PHACTR1: variants seen among roughly 807,000 people sequenced by gnomAD.
PHACTR1 encodes phosphatase and actin regulator 1, also known as RPEL repeat containing 1.
A neutral mutation model predicts 69.2 loss-of-function variants in PHACTR1; 16 were observed. The observed-to-expected ratio is 0.23, with a 90% CI of 0.16 to 0.35. The LOEUF (loss-of-function observed/expected upper bound fraction) is 0.35. Ranked by LOEUF, PHACTR1 falls within the 10% of genes least tolerant of loss-of-function variation. The pLI is 1.00. For synonymous variants in PHACTR1, 312 were observed against 284.5 expected (o/e 1.10, Z -0.97); for missense variants, 510 against 734.7 (o/e 0.69, Z 3.54).
chr6:13,161,685 A>G (rs1341994951), intron 6 of PHACTR1, among the ~76,000 whole-genome samples: 1 of 152,142 alleles, frequency 6.6e-6, no homozygotes, highest in Non-Finnish European at 1.5e-5. Flanking sequence ...CGCATCTTTC[A>G]GACTCCACTG....
intron 5 of PHACTR1, among the ~76,000 whole-genome samples, chr6:13,069,834 G>C (rs1474342597): frequency 6.6e-6 from 1 of 152,126 alleles, no homozygotes; most frequent in East Asian, 1.9e-4. Flanking sequence ...GACCTATATA[G>C]TATTATTAAC....
rs147539684 is a variant in PHACTR1 at position 13,197,540 on chromosome 6, CTTTTTT to C, written c.665-8270_665-8265del. Among the ~76,000 whole-genome samples, 6 of 149,948 alleles carry C rather than the reference CTTTTTT, an allele frequency of 4.0e-5. No individual in the cohort carries two copies. In the East Asian group the frequency reaches 1.2e-3, roughly 29 times the overall value. On this transcript the variant is annotated intron_variant, in intron 7 of 14. Transcript: ENST00000332995. ...CTTAAACCCCAGCTCTTCTGAGTTC[CTTTTTT>C]TTTTATTATTATTATTATACCTTAA...
At chr6:12,840,362 C>G (rs1267670171) in intron 4 of PHACTR1, among the ~76,000 whole-genome samples, 1 of 152,204 alleles carries the variant, frequency 6.6e-6, no homozygotes, top group Non-Finnish European at 1.5e-5. Flanking sequence ...CTTGGCATAT[C>G]TAGCTTATTA....
At chr6:12,973,590 T>C (rs954705362) in intron 4 of PHACTR1, among the ~76,000 whole-genome samples, 1 of 152,210 alleles carries the variant, frequency 6.6e-6, no homozygotes, top group Non-Finnish European at 1.5e-5. Flanking sequence ...GAGACAAATA[T>C]AAGCTTCATA....
intron 5 of PHACTR1, among the ~76,000 whole-genome samples, chr6:13,121,092 G>A (rs1189507319): frequency 2.0e-5 from 3 of 152,202 alleles, no homozygotes; most frequent in South Asian, 2.1e-4. Flanking sequence ...AGGGAGTGAT[G>A]TTAACTTAGG....
At chr6:13,167,986 C>T (rs1322082195) in intron 6 of PHACTR1, among the ~76,000 whole-genome samples, 1 of 152,184 alleles carries the variant, frequency 6.6e-6, no homozygotes, top group African/African-American at 2.4e-5. Flanking sequence ...TCTTAAATCC[C>T]ATAGTTTATC....
chr6:12,860,050 C>T (rs1486486225), intron 4 of PHACTR1, among the ~76,000 whole-genome samples: 5 of 151,850 alleles, frequency 3.3e-5, no homozygotes, highest in South Asian at 2.1e-4. Flanking sequence ...ATGTGCAGAA[C>T]GTGCAGGTTT....
chr6:12,828,835 C>T lies in PHACTR1; in HGVS notation c.250+79045C>T, dbSNP rs117593320. Among the ~76,000 whole-genome samples the T allele has an allele frequency of 2.4e-4, 37 of 151,552 alleles. 1 individual carries two copies. In the East Asian group the frequency reaches 6.8e-3, roughly 28 times the overall value. On this transcript the variant is annotated intron_variant, in intron 4 of 14. Coordinates refer to ENST00000332995, the MANE Select transcript of PHACTR1 (RefSeq NM_030948.6). ...GCTAGGAAGTGGGGTGGGGTGGTTA[C>T]GGAGAGATTGGTTAATGAATACAAA...
At position 13,235,423 on chromosome 6, in the gene PHACTR1, A is replaced by G. The variant is rs79436202; in HGVS notation, c.1391+5230A>G. On this transcript the variant is annotated intron_variant, in intron 10 of 14. Transcript: ENST00000332995. ...ATAATTGAACATACTACTCCAAAAA[A>G]TCAGTATTAAAAAATTAGACACAGA... is the stretch of plus-strand genomic sequence containing the variant. 4.2e-3 allele frequency among the ~76,000 whole-genome samples: 633 copies of G among 152,328 alleles called. 3 individuals carry two copies. Among genetic ancestry groups the G allele is most frequent in the Middle Eastern group, 6.8e-3 (2 of 294 alleles).
chr6:13,019,072 A>ATT (rs780505347), intron 4 of PHACTR1, among the ~76,000 whole-genome samples: 4,749 of 144,610 alleles, frequency 0.033, 140 homozygotes, highest in East Asian at 0.12. Context: ...ATATATATAT[A>ATT]TATTTTTTCT....
intron 4 of PHACTR1, among the ~76,000 whole-genome samples, chr6:13,050,353 G>C (rs1029207227): frequency 1.4e-4 from 21 of 152,042 alleles, no homozygotes; most frequent in Non-Finnish European, 2.9e-4. Context: ...TTAGCCTCCA[G>C]TAATCTGTTA....
At chr6:12,821,927 G>A (rs1004093626) in intron 4 of PHACTR1, among the ~76,000 whole-genome samples, 13 of 152,098 alleles carry the variant, frequency 8.5e-5, no homozygotes, top group South Asian at 4.2e-4. Context: ...CATATTGTTC[G>A]GTATTCTGAA....
intron 4 of PHACTR1, among the ~76,000 whole-genome samples, chr6:12,781,048 T>C (rs796953576): frequency 2.6e-5 from 4 of 152,342 alleles, no homozygotes; most frequent in African/African-American, 9.6e-5. Context: ...GTAGTCATTT[T>C]TGAAAAACTG....
At chr6:13,177,837 T>C (rs12527257) in intron 6 of PHACTR1, among the ~76,000 whole-genome samples, 33,323 of 152,206 alleles carry the variant, frequency 0.22, 4,743 homozygotes, top group East Asian at 0.44. Flanking sequence ...TTTCTACAAG[T>C]ATCATAATGA....
intron 10 of PHACTR1, among the ~76,000 whole-genome samples, chr6:13,263,261 T>C (rs1329106289): frequency 7.7e-4 from 68 of 88,814 alleles, no homozygotes; most frequent in African/African-American, 2.9e-3. Context: ...TTTTTTTTTT[T>C]CAGTCTTTCC....
At chr6:12,723,975 T>C (rs1308648902) in intron 3 of PHACTR1, among the ~76,000 whole-genome samples, 1 of 152,228 alleles carries the variant, frequency 6.6e-6, no homozygotes, top group Non-Finnish European at 1.5e-5. Context: ...TAACTTTCTC[T>C]ATCTAGGTCT....
intron 4 of PHACTR1, among the ~76,000 whole-genome samples, chr6:13,008,696 A>C (rs763422840): frequency 6.6e-6 from 1 of 152,242 alleles, no homozygotes; most frequent in Non-Finnish European, 1.5e-5. Flanking sequence ...TTCTGTGTCC[A>C]TGAACCATTT....
At chr6:12,757,665 T>C (rs1561855053) in intron 4 of PHACTR1, among the ~76,000 whole-genome samples, 1 of 151,980 alleles carries the variant, frequency 6.6e-6, no homozygotes, top group Admixed American at 6.6e-5. Flanking sequence ...ATGTAGGTTG[T>C]GAGAGGAGAA....
chr6:13,072,034 A>G (rs949565086), intron 5 of PHACTR1, among the ~76,000 whole-genome samples: 3 of 152,246 alleles, frequency 2.0e-5, no homozygotes, highest in Non-Finnish European at 4.4e-5. Context: ...ACAAAACTCT[A>G]TTTCATCTGT....
Sources: gnomAD v4.1 joint callset for allele counts (sites outside exome capture counted in the v4.1 genomes callset) on GRCh38, gnomAD v4.1.1 for gene constraint, MANE v1.5 for transcripts, NCBI Gene and HGNC (gene_info 2026-07-23, HGNC 2026-07-21) for gene names.